The following PARP11 variants were observed in gnomAD, a reference collection of about 807,000 sequenced individuals.
PARP11 encodes poly(ADP-ribose) polymerase family member 11, also known as protein mono-ADP-ribosyltransferase PARP11.
In PARP11, 31 loss-of-function variants were observed where a neutral mutation model predicts 42.9. The ratio of observed to expected loss-of-function variants is 0.72; its 90% CI spans 0.54 to 0.98. The LOEUF (loss-of-function observed/expected upper bound fraction) is 0.98, where lower values mean the gene tolerates loss of function less well. Among genes scored for constraint, PARP11 ranks in the 50% least tolerant of loss-of-function variants. PARP11 has a pLI of 0.00. For missense variants in PARP11, 365 were observed against 413.1 expected, an observed-to-expected ratio of 0.88 and a Z score of 1.01; for synonymous variants, 137 against 127.3, an observed-to-expected ratio of 1.08 and a Z score of -0.51.
chr12:3,861,843 T>G lies in PARP11; in HGVS notation c.18+11369A>C, dbSNP rs1408967918. Reference sequence around the variant, plus strand: ...ATTGAGACCATCCTGGCTAACACGGTGAAACCCCGTCTCTACCAAAAATAC... The same window carrying G: ...ATTGAGACCATCCTGGCTAACACGGGGAAACCCCGTCTCTACCAAAAATAC... On this transcript the variant is annotated intron_variant, in intron 1 of 7. Coordinates refer to ENST00000228820, the MANE Select transcript of PARP11 (RefSeq NM_020367.6). This position sits in a 1 kb window ranked among gnomAD's most constrained non-coding sequence, Gnocchi z 4.6. Among the ~76,000 whole-genome samples, 2 of 151,564 alleles carry G rather than the reference T, an allele frequency of 1.3e-5. No homozygotes were observed. The highest frequency in any genetic ancestry group is 4.9e-5 in the African/African-American group (2 of 41,210).
Position 3,825,337 on chromosome 12 carries a change from G to A in PARP11, c.344+821C>T, listed in dbSNP as rs1046479463. 5.7e-4 allele frequency among the ~76,000 whole-genome samples: 86 copies of A among 152,110 alleles called. 1 individual carries two copies. Among genetic ancestry groups the A allele is most frequent in the African/African-American group, 2.1e-3 (85 of 41,412 alleles). On this transcript the variant is annotated intron_variant, in intron 4 of 7. Transcript: ENST00000228820. Reference sequence around the variant, plus strand: ...AAGAAAATTTGTAACCAAGTTCCAGGGAACAGAAAGCAATACTGTTGTCCA... The same window carrying A: ...AAGAAAATTTGTAACCAAGTTCCAGAGAACAGAAAGCAATACTGTTGTCCA...
chr12:3,837,734 A>T (rs1227797645), intron 1 of PARP11, among the ~76,000 whole-genome samples: 1 of 152,116 alleles, frequency 6.6e-6, no homozygotes, highest in Non-Finnish European at 1.5e-5. Flanking sequence ...AAAGACACAC[A>T]TGAGGATGAA....
chr12:3,819,932 T>C (rs556563291), intron 6 of PARP11, among the ~76,000 whole-genome samples: 22 of 152,336 alleles, frequency 1.4e-4, no homozygotes, highest in African/African-American at 4.8e-4. Context: ...CTCCCTCTTA[T>C]ATCCAGACTT....
intron 1 of PARP11, among the ~76,000 whole-genome samples, chr12:3,853,159 C>T (rs547769841): frequency 1.3e-5 from 2 of 152,072 alleles, no homozygotes; most frequent in Admixed American, 6.5e-5. Context: ...AGGAACAACC[C>T]GTACCAGCCA....
rs534914792 is a variant in PARP11, at chr12:3,822,153, T to G, written c.349A>C (p.Ile117Leu). The change falls in exon 5 of 8, where the codon ATC (isoleucine) becomes CTC (leucine). Residue 117 changes from isoleucine (I) to leucine (L), a missense_variant. Ile to Leu is a conservative substitution (Grantham distance 5). Coordinates refer to ENST00000228820, the MANE Select transcript of PARP11 (RefSeq NM_020367.6). ...APFSISAFSY[I>L]CENEAIPMPP... ...ATAGGGATGGCCTCGTTTTCACAGA[T>G]GTAACTTGAAACAGCAAAAGAGAAA... 2 of 1,612,958 alleles carry G rather than the reference T, an allele frequency of 1.2e-6. No homozygotes were observed. Among genetic ancestry groups the G allele is most frequent in the Non-Finnish European group, 1.7e-6 (2 of 1,179,048 alleles).
chr12:3,831,194 T>A (rs1419038753), intron 1 of PARP11, among the ~76,000 whole-genome samples: 1 of 152,188 alleles, frequency 6.6e-6, no homozygotes, highest in Non-Finnish European at 1.5e-5. Context: ...ACCTTCTCAC[T>A]TTTCTTCTCC....
intron 1 of PARP11, among the ~76,000 whole-genome samples, chr12:3,853,933 G>A (rs2138100076): frequency 1.3e-5 from 2 of 152,230 alleles, no homozygotes; most frequent in Middle Eastern, 6.8e-3. Context: ...ATAACAAACT[G>A]TCTCTCAGAC....
intron 1 of PARP11, among the ~76,000 whole-genome samples, chr12:3,854,414 G>A (rs1377417024): frequency 1.3e-5 from 2 of 152,100 alleles, no homozygotes; most frequent in Non-Finnish European, 2.9e-5. Flanking sequence ...AGAAAAGAGA[G>A]AAGAATCAAA....
chr12:3,852,119 C>G (rs1948107387), intron 1 of PARP11, among the ~76,000 whole-genome samples: 1 of 152,102 alleles, frequency 6.6e-6, no homozygotes, highest in African/African-American at 2.4e-5. Flanking sequence ...ACACCAAAAC[C>G]CCATCTATAG....
chr12:3,852,163 C>T (rs1367996271), intron 1 of PARP11, among the ~76,000 whole-genome samples: 1 of 152,182 alleles, frequency 6.6e-6, no homozygotes, highest in Admixed American at 6.5e-5. Flanking sequence ...GTAGATAAAA[C>T]CACAAAGATG....
chr12:3,814,311 C>G, intron 6 of PARP11, 123 bp from the exon 7 acceptor site: 1 of 667,654 alleles, frequency 1.5e-6, no homozygotes, highest in Non-Finnish European at 2.2e-6. Context: ...ATATAAATAA[C>G]AAGTGGACAA....
chr12:3,817,837 T>C (rs145209460), intron 6 of PARP11, among the ~76,000 whole-genome samples: 215 of 152,336 alleles, frequency 1.4e-3, no homozygotes, highest in African/African-American at 4.8e-3. Context: ...GAGCCACTTA[T>C]GGAATTTTTT....
At chr12:3,851,076 G>C (rs1232246150) in intron 1 of PARP11, among the ~76,000 whole-genome samples, 5 of 152,140 alleles carry the variant, frequency 3.3e-5, no homozygotes, top group Non-Finnish European at 7.4e-5. Context: ...AAATTGAAAA[G>C]AATACTGAAT....
intron 1 of PARP11, among the ~76,000 whole-genome samples, chr12:3,855,739 T>C (rs1948177928): frequency 6.6e-6 from 1 of 152,198 alleles, no homozygotes; most frequent in Non-Finnish European, 1.5e-5. Flanking sequence ...CCCATCAAGC[T>C]ACCAATGACA....
chr12:3,812,521 T>C (rs1401778784), intron 7 of PARP11, 82 bp from the exon 8 acceptor site: 16 of 901,620 alleles, frequency 1.8e-5, no homozygotes, highest in African/African-American at 8.4e-5. Flanking sequence ...GTCAGGAGAA[T>C]AGATGCATAG....
At chr12:3,841,322 C>T (rs1480720010) in intron 1 of PARP11, 2 of 1,227,338 alleles carry the variant, frequency 1.6e-6, no homozygotes, top group African/African-American at 3.0e-5. Flanking sequence ...GTGTGGGCCC[C>T]ACATTCTTAC....
intron 1 of PARP11, among the ~76,000 whole-genome samples, chr12:3,857,095 G>A (rs1317765789): frequency 6.6e-6 from 1 of 151,548 alleles, no homozygotes; most frequent in Non-Finnish European, 1.5e-5. Flanking sequence ...CCTGGACACA[G>A]GGCAGGGAAC....
chr12:3,862,435 A>C (rs1430695980), intron 1 of PARP11, among the ~76,000 whole-genome samples: 1 of 152,090 alleles, frequency 6.6e-6, no homozygotes, highest in East Asian at 1.9e-4. Flanking sequence ...TAGGCAACCA[A>C]GCATGACTCT....
At chr12:3,852,668 G>A (rs766726753) in intron 1 of PARP11, among the ~76,000 whole-genome samples, 25 of 152,232 alleles carry the variant, frequency 1.6e-4, no homozygotes, top group African/African-American at 5.8e-4. Flanking sequence ...TGGTGTACCT[G>A]AAAGTGACGG....
Sources: allele counts gnomAD v4.1 joint callset (sites outside exome capture counted in the v4.1 genomes callset), GRCh38; gene constraint gnomAD v4.1.1; non-coding constraint Gnocchi (gnomAD v3.1); transcripts MANE v1.5; gene names NCBI Gene and HGNC (gene_info 2026-07-23, HGNC 2026-07-21).